The following NPEPPS variants were observed in gnomAD, a reference collection of about 807,000 sequenced individuals.
NPEPPS encodes aminopeptidase puromycin sensitive, also known as puromycin-sensitive aminopeptidase.
NPEPPS carries 14 observed loss-of-function variants against 115.5 expected under a neutral mutation model. The observed-to-expected ratio is 0.12, with a 90% CI of 0.08 to 0.19. The LOEUF (loss-of-function observed/expected upper bound fraction) is 0.19, where lower values mean the gene tolerates loss of function less well. Among genes scored for constraint, NPEPPS ranks in the 10% least tolerant of loss-of-function variants. The pLI, the probability that NPEPPS is intolerant of heterozygous loss-of-function variation, is 1.00. For missense variants in NPEPPS, 523 were observed against 1,110.8 expected (o/e 0.47, Z 7.52); for synonymous variants, 285 against 390.6 (o/e 0.73, Z 3.19).
intron 1 of NPEPPS, among the ~76,000 whole-genome samples, chr17:47,543,454 A>G (rs1179576109): frequency 6.8e-6 from 1 of 147,168 alleles, no homozygotes; most frequent in Non-Finnish European, 1.5e-5. Context: ...AGTAGCTGGG[A>G]TTACAGGCGC....
At chr17:47,548,266 T>C (rs1357437003) in intron 2 of NPEPPS, 1 of 152,220 alleles carries the variant, frequency 6.6e-6, no homozygotes, top group Non-Finnish European at 1.5e-5. Flanking sequence ...TAGATCAAAC[T>C]GCTGGAAGAA....
chr17:47,536,520 A>T (rs1293185019), intron 1 of NPEPPS, among the ~76,000 whole-genome samples: 1 of 148,664 alleles, frequency 6.7e-6, no homozygotes, highest in African/African-American at 2.5e-5. Context: ...TAGCCTCCCA[A>T]ATAGCTGGGA....
chr17:47,579,382 A>G lies in NPEPPS; in HGVS notation c.419-8A>G. 6.3e-7 allele frequency: 1 copy of G among 1,581,554 alleles called. No homozygotes were observed. Among genetic ancestry groups the G allele is most frequent in the Non-Finnish European group, 8.6e-7 (1 of 1,168,186 alleles). The stretch of plus-strand genomic sequence containing the variant: ...ATAAAAGTGTTTTTTATTTATCTTC[A>G]ATCACAGGTACGGGAACCTTAAAGA... On this transcript the variant is annotated splice_region_variant and splice_polypyrimidine_tract_variant and intron_variant, in intron 3 of 22. Transcript: ENST00000322157.
intron 2 of NPEPPS, among the ~76,000 whole-genome samples, chr17:47,546,433 G>A (rs1258971648): frequency 2.6e-5 from 4 of 151,664 alleles, no homozygotes; most frequent in South Asian, 2.1e-4. Context: ...CTCAAAAAAA[G>A]AAAAAGAAAA....
intron 2 of NPEPPS, among the ~76,000 whole-genome samples, chr17:47,555,643 G>A (rs558738099): frequency 1.3e-5 from 2 of 151,738 alleles, no homozygotes; most frequent in African/African-American, 4.8e-5. Context: ...CACCGCGCCC[G>A]GCCATGTATG....
chr17:47,609,073 A>C (rs546112442), intron 17 of NPEPPS, among the ~76,000 whole-genome samples: 1 of 152,246 alleles, frequency 6.6e-6, no homozygotes, highest in African/African-American at 2.4e-5. Context: ...TAAAGGAAGG[A>C]ATTTTTTAAG....
chr17:47,601,690 G>A lies in NPEPPS; in HGVS notation c.1683G>A (p.Met561Ile). Residue 561 changes from methionine to isoleucine, a missense_variant, in exon 15 of 23, where the codon ATG becomes ATA. Met to Ile is a conservative substitution (Grantham distance 10, BLOSUM62 1). Transcript: ENST00000322157. ...DPNQAKLKIL[M>I]DKPEMNVVLK... ...ACCAGGCCAAACTAAAAATTCTAAT[G>A]GACAAGCCAGAGATGAATGTGGTTT... The A allele has an allele frequency of 6.2e-7, 1 of 1,613,034 alleles. No individual in the cohort carries two copies. Among genetic ancestry groups the A allele is most frequent in the Non-Finnish European group, 8.5e-7 (1 of 1,179,622 alleles).
chr17:47,593,017 G>A (rs1161708636), intron 12 of NPEPPS, among the ~76,000 whole-genome samples: 1 of 152,102 alleles, frequency 6.6e-6, no homozygotes, highest in African/African-American at 2.4e-5. Context: ...CCAACATGAT[G>A]CTCAAAGGAA....
chr17:47,546,073 T>TGTGTGTGTGTGA lies in NPEPPS; in HGVS notation c.340+81_340+82insTGTGTGTGTGAG, dbSNP rs148357525. 3.2e-5 allele frequency: 40 copies of TGTGTGTGTGTGA among 1,265,692 alleles called. No individual in the cohort carries two copies. In the African/African-American group the frequency reaches 4.7e-4, roughly 15 times the overall value. The allele number at this position is 1,265,692 out of a possible 1,614,324, so 78.4% of individuals were successfully genotyped here. On this transcript the variant is annotated intron_variant, in intron 2 of 22. Transcript: ENST00000322157. ...GTGTGTGTGTGTGTGTGTGTGTGTG[T>TGTGTGTGTGTGA]GAGAGAGAGAGAGAGAGAGACATTT...
At chr17:47,556,300 C>T (rs1440448473) in intron 2 of NPEPPS, among the ~76,000 whole-genome samples, 9 of 151,572 alleles carry the variant, frequency 5.9e-5, no homozygotes, top group Non-Finnish European at 1.3e-4. Flanking sequence ...GAGCATGCTA[C>T]CTTCAAGCAT....
chr17:47,598,819 G>A (rs1211364840), intron 13 of NPEPPS, among the ~76,000 whole-genome samples: 1 of 152,052 alleles, frequency 6.6e-6, no homozygotes, highest in African/African-American at 2.4e-5. Flanking sequence ...TTTGTCTACA[G>A]GCACGGCCAA....
At chr17:47,612,416 A>G in intron 17 of NPEPPS, 44 bp from the exon 18 acceptor site, 1 of 1,596,588 alleles carries the variant, frequency 6.3e-7, no homozygotes, top group Non-Finnish European at 8.5e-7. Context: ...TTATAAAAAT[A>G]GGCTTTTTAA....
intron 4 of NPEPPS, chr17:47,579,966 TACACATATATATACAC>T: frequency 6.4e-6 from 1 of 155,988 alleles, no homozygotes; most frequent in Non-Finnish European, 1.4e-5. Flanking sequence ...TGTGTGTGTA[TACACATATATATACAC>T]ACACATATAT....
chr17:47,556,422 C>A (rs905992588), intron 2 of NPEPPS, among the ~76,000 whole-genome samples: 4 of 152,122 alleles, frequency 2.6e-5, no homozygotes, highest in Non-Finnish European at 4.4e-5. Flanking sequence ...TCAACAGCAT[C>A]CCAAGGCAGA....
intron 9 of NPEPPS, among the ~76,000 whole-genome samples, chr17:47,588,303 G>A (rs112831003): frequency 2.0e-5 from 3 of 151,918 alleles, no homozygotes; most frequent in African/African-American, 4.8e-5. Flanking sequence ...GGCTCACGCC[G>A]GTAATCCCAG....
chr17:47,599,592 ATGT>A (rs1320607694), intron 13 of NPEPPS, 81 bp from the exon 14 acceptor site: 2 of 1,012,578 alleles, frequency 2.0e-6, no homozygotes, highest in African/African-American at 1.6e-5. Context: ...TGTCACAGAA[ATGT>A]TGTCTCCCTC....
chr17:47,559,688 G>A, intron 2 of NPEPPS: 1 of 454,606 alleles, frequency 2.2e-6, no homozygotes, highest in Non-Finnish European at 4.4e-6. Context: ...ATCTTTCCTG[G>A]TAGGATATCA....
At chr17:47,544,426 G>A (rs1909033958) in intron 1 of NPEPPS, among the ~76,000 whole-genome samples, 1 of 152,072 alleles carries the variant, frequency 6.6e-6, no homozygotes, top group Non-Finnish European at 1.5e-5. Flanking sequence ...TGAGTTCGAT[G>A]TGCAGGTTAA....
At chr17:47,527,448 C>T (rs1385714208), upstream of NPEPPS, among the ~76,000 whole-genome samples, 2 of 152,006 alleles carry the variant, frequency 1.3e-5, no homozygotes, top group Non-Finnish European at 2.9e-5. Context: ...CACACCATTG[C>T]ACTCCAGCCT....
Sources: allele counts gnomAD v4.1 joint callset (sites outside exome capture counted in the v4.1 genomes callset), GRCh38; gene constraint gnomAD v4.1.1; transcripts MANE v1.5; gene names NCBI Gene and HGNC (gene_info 2026-07-23, HGNC 2026-07-21).